The following PIWIL2 variants were observed in gnomAD, a reference collection of about 807,000 sequenced individuals.
PIWIL2 encodes the protein piwi like RNA-mediated gene silencing 2.
PIWIL2 carries 81 observed loss-of-function variants against 116.5 expected under a neutral mutation model. The ratio of observed to expected loss-of-function variants is 0.70; its 90% CI spans 0.58 to 0.84. The LOEUF is 0.84. Ranked by LOEUF, PIWIL2 falls within the 40% of genes least tolerant of loss-of-function variation. PIWIL2 has a pLI of 0.00. For missense variants in PIWIL2, 1,272 were observed against 1,212.3 expected (o/e 1.05, Z -0.73); for synonymous variants, 489 against 429.5 (o/e 1.14, Z -1.71).
intron 14 of PIWIL2, among the ~76,000 whole-genome samples, chr8:22,308,851 G>A (rs1467172095): frequency 4.6e-5 from 7 of 151,862 alleles, no homozygotes; most frequent in African/African-American, 1.7e-4. Context: ...GTTTCACCAT[G>A]TTGCCATGGC....
chr8:22,310,097 A>G (rs1235929360), intron 15 of PIWIL2, 23 bp downstream of exon 15: 1 of 1,247,602 alleles, frequency 8.0e-7, no homozygotes, highest in Non-Finnish European at 1.2e-6. Context: ...TGAAGTGATA[A>G]AGAGAGGACC....
Position 22,279,601 on chromosome 8 carries a change from A to T in PIWIL2, c.198+17A>T, listed in dbSNP as rs1206281579. On this transcript the variant is annotated intron_variant, in intron 2 of 22. Transcript: ENST00000356766. ...GCACAAAGGGTAAGACCACTTCCGGATGCATAGGAGTGGCATACAGCTTAC... is the reference window on the plus strand; with the variant it reads ...GCACAAAGGGTAAGACCACTTCCGGTTGCATAGGAGTGGCATACAGCTTAC... 1 of 1,608,544 alleles carries T rather than the reference A, an allele frequency of 6.2e-7. No homozygotes were observed. Among genetic ancestry groups the T allele is most frequent in the Non-Finnish European group, 8.5e-7 (1 of 1,175,052 alleles).
At chr8:22,314,752 G>T (rs1012408495) in intron 17 of PIWIL2, among the ~76,000 whole-genome samples, 4 of 152,094 alleles carry the variant, frequency 2.6e-5, no homozygotes, top group Non-Finnish European at 5.9e-5. Context: ...AGTTAAAAAA[G>T]CATTCCACTC....
intron 10 of PIWIL2, among the ~76,000 whole-genome samples, chr8:22,294,900 G>GAAAAAAAAAAA (rs57742067): frequency 1.1e-5 from 1 of 93,650 alleles, no homozygotes; most frequent in African/African-American, 3.9e-5. Context: ...ATCTTTACTG[G>GAAAAAAAAAAA]AAAAAAAAAA....
intron 10 of PIWIL2, among the ~76,000 whole-genome samples, chr8:22,302,838 A>G (rs2132027563): frequency 6.6e-6 from 1 of 152,334 alleles, no homozygotes; most frequent in African/African-American, 2.4e-5. Flanking sequence ...CCAGTCAGCC[A>G]AGGATGTGTG....
Position 22,290,215 on chromosome 8 carries a change from G to A in PIWIL2, c.1068-18G>A. The stretch of plus-strand genomic sequence containing the variant: ...TGTTCTTTGAAAATCCTACAGTTGA[G>A]ACCACCTCTCTCTCCAGATTGCAGA... On this transcript the variant is annotated intron_variant, in intron 9 of 22. Coordinates refer to ENST00000356766, the MANE Select transcript of PIWIL2 (RefSeq NM_018068.5). The A allele has an allele frequency of 6.7e-7, 1 of 1,498,802 alleles. No individual in the cohort carries two copies. Among genetic ancestry groups the A allele is most frequent in the Non-Finnish European group, 9.3e-7 (1 of 1,077,128 alleles). The allele number at this position is 1,498,802 out of a possible 1,614,324, so 92.8% of individuals were successfully genotyped here.
intron 20 of PIWIL2, among the ~76,000 whole-genome samples, chr8:22,346,329 T>A (rs980254273): frequency 4.6e-5 from 7 of 152,344 alleles, no homozygotes; most frequent in African/African-American, 1.7e-4. Context: ...ACCTCACAGC[T>A]TTTTAGTTCC....
rs111427849 is a variant in PIWIL2 at position 22,348,125 on chromosome 8, A to C, written c.2404-4834A>C. ...AGACAAGCCTGGGCAACATGGCGAA[A>C]CCCCATCTCTACTAAAAATACAAAA... On this transcript the variant is annotated intron_variant, in intron 20 of 22. Coordinates refer to ENST00000356766, the MANE Select transcript of PIWIL2 (RefSeq NM_018068.5). 6.0e-3 allele frequency among the ~76,000 whole-genome samples: 909 copies of C among 151,396 alleles called. 6 individuals carry two copies. Among genetic ancestry groups the C allele is most frequent in the African/African-American group, 0.021 (854 of 41,224 alleles).
At chr8:22,328,036 A>G (rs1586583144) in intron 20 of PIWIL2, among the ~76,000 whole-genome samples, 1 of 151,748 alleles carries the variant, frequency 6.6e-6, no homozygotes, top group African/African-American at 2.4e-5. Flanking sequence ...ATCCAAGGTC[A>G]TAAAAGCTTG....
chr8:22,289,820 A>G (rs4872463), intron 8 of PIWIL2, 27 bp from the exon 9 acceptor site: 658,195 of 1,372,074 alleles, frequency 0.48, 167,058 homozygotes, highest in East Asian at 0.82. Context: ...CTTCTATTAG[A>G]AAACTCATAC....
chr8:22,318,381 G>A (rs1017168859), intron 20 of PIWIL2, 106 bp downstream of exon 20: 6 of 631,528 alleles, frequency 9.5e-6, no homozygotes, highest in Admixed American at 8.6e-5. Context: ...GCAGTGGTGC[G>A]ATCTCTGTTC....
intron 14 of PIWIL2, 44 bp downstream of exon 14, chr8:22,308,117 C>G: frequency 6.7e-7 from 1 of 1,498,232 alleles, no homozygotes; most frequent in Non-Finnish European, 9.2e-7. Context: ...TACAGAGACA[C>G]GTGTGCAATA....
intron 20 of PIWIL2, among the ~76,000 whole-genome samples, chr8:22,333,198 AAAC>A (rs1248436963): frequency 6.6e-6 from 1 of 152,170 alleles, no homozygotes; most frequent in Non-Finnish European, 1.5e-5. Context: ...TGAGAGGAAA[AAAC>A]AAAATAAATT....
chr8:22,314,228 G>T, intron 16 of PIWIL2, 100 bp from the exon 17 acceptor site: 1 of 510,548 alleles, frequency 2.0e-6, no homozygotes, highest in African/African-American at 1.9e-5. Context: ...TTCCTTAAAG[G>T]TCCTATGGCT....
chr8:22,307,986 A>T lies in PIWIL2; in HGVS notation c.1599A>T (p.Glu533Asp). Residue 533 changes from glutamate (E) to aspartate (D), a missense_variant, in exon 14 of 23, where the codon GAA becomes GAT. Transcript: ENST00000356766. The part of the protein sequence containing the change: ...LSPKQHHSAL[E>D]CLLQRIAKNE... The stretch of plus-strand genomic sequence containing the variant: ...CCAAGCAACACCATAGTGCTTTGGA[A>T]TGCTTGCTGCAAAGAATTGCAAAGA... 2 of 1,613,662 alleles carry T rather than the reference A, an allele frequency of 1.2e-6. No homozygotes were observed. The highest frequency in any genetic ancestry group is 1.7e-6 in the Non-Finnish European group (2 of 1,179,778).
intron 20 of PIWIL2, among the ~76,000 whole-genome samples, chr8:22,341,293 A>C (rs574147949): frequency 6.6e-6 from 1 of 150,644 alleles, no homozygotes; most frequent in Non-Finnish European, 1.5e-5. Context: ...ACACTCATTC[A>C]TGATTTAAAA....
rs748810068 is a variant in PIWIL2 at position 22,307,990 on chromosome 8, T to G, written c.1603T>G (p.Leu535Val). 6.2e-7 allele frequency: 1 copy of G among 1,613,804 alleles called. No homozygotes were observed. Among genetic ancestry groups the G allele is most frequent in the Non-Finnish European group, 8.5e-7 (1 of 1,179,868 alleles). Reference protein sequence around the residue: ...PKQHHSALECLLQRIAKNEAA... With the variant: ...PKQHHSALECVLQRIAKNEAA... Reference sequence around the variant, plus strand: ...GCAACACCATAGTGCTTTGGAATGCTTGCTGCAAAGAATTGCAAAGAACGA... The same window carrying G: ...GCAACACCATAGTGCTTTGGAATGCGTGCTGCAAAGAATTGCAAAGAACGA... Residue 535 changes from leucine to valine, a missense_variant, in exon 14 of 23, where the codon TTG becomes GTG. Coordinates refer to ENST00000356766, the MANE Select transcript of PIWIL2 (RefSeq NM_018068.5).
chr8:22,277,124 C>T (rs1176616014), intron 1 of PIWIL2, among the ~76,000 whole-genome samples: 1 of 151,834 alleles, frequency 6.6e-6, no homozygotes, highest in Admixed American at 6.6e-5. Flanking sequence ...TGGGTTCAAG[C>T]AATTCTTGTG....
intron 20 of PIWIL2, among the ~76,000 whole-genome samples, chr8:22,323,478 C>G (rs988612197): frequency 1.3e-4 from 20 of 152,160 alleles, no homozygotes; most frequent in African/African-American, 4.8e-4. Context: ...GATCCACCCA[C>G]TTCAGCTTCC....
Sources: gnomAD v4.1 joint callset for allele counts (sites outside exome capture counted in the v4.1 genomes callset) on GRCh38, gnomAD v4.1.1 for gene constraint, MANE v1.5 for transcripts, NCBI Gene and HGNC (gene_info 2026-07-23, HGNC 2026-07-21) for gene names.